Variants in CAMKMT observed in about 807,000 individuals in gnomAD.
The protein encoded by CAMKMT is calmodulin-lysine N-methyltransferase, also known as CaM KMT.
In CAMKMT, 53 loss-of-function variants were observed where a neutral mutation model predicts 48.0. The ratio of observed to expected loss-of-function variants is 1.10; its 90% confidence interval spans 0.89 to 1.39. The LOEUF is 1.39. Ranked by LOEUF, CAMKMT falls within the 40% of genes most tolerant of loss-of-function variation. CAMKMT has a pLI of 0.00. For synonymous variants in CAMKMT, 165 were observed against 152.3 expected (o/e 1.08, Z -0.61); for missense variants, 428 against 402.7 (o/e 1.06, Z -0.54).
chr2:44,520,445 A>G (rs1671048714), intron 3 of CAMKMT, among the ~76,000 whole-genome samples: 1 of 152,194 alleles, frequency 6.6e-6, no homozygotes, highest in Non-Finnish European at 1.5e-5. Flanking sequence ...ACTATGCAAT[A>G]CTTCTACTCA....
At chr2:44,609,025 C>G (rs1265241594) in intron 3 of CAMKMT, among the ~76,000 whole-genome samples, 1 of 152,214 alleles carries the variant, frequency 6.6e-6, no homozygotes, top group Admixed American at 6.5e-5. Flanking sequence ...CCATACCAGT[C>G]AATCACTTTT....
chr2:44,416,058 A>G (rs1258485394), intron 3 of CAMKMT, among the ~76,000 whole-genome samples: 2 of 152,212 alleles, frequency 1.3e-5, no homozygotes, highest in Admixed American at 6.5e-5. Flanking sequence ...GTTTCAGTTA[A>G]CTAAATGCTT....
intron 3 of CAMKMT, among the ~76,000 whole-genome samples, chr2:44,558,377 A>T (rs981665429): frequency 1.3e-5 from 2 of 152,116 alleles, no homozygotes; most frequent in African/African-American, 4.8e-5. Flanking sequence ...GCATTGCCCC[A>T]GTTTCCTTGG....
At chr2:44,423,491 T>G (rs1328539753) in intron 3 of CAMKMT, among the ~76,000 whole-genome samples, 1 of 152,180 alleles carries the variant, frequency 6.6e-6, no homozygotes, top group East Asian at 1.9e-4. Context: ...GCCAAAACCC[T>G]TAACTCAAAT....
intron 8 of CAMKMT, among the ~76,000 whole-genome samples, chr2:44,752,414 GC>G (rs1352460190): frequency 6.6e-6 from 1 of 152,142 alleles, no homozygotes; most frequent in Admixed American, 6.5e-5. Context: ...TTGGCAGAGT[GC>G]TCTAGCAATG....
chr2:44,589,335 T>A (rs1228777374), intron 3 of CAMKMT, among the ~76,000 whole-genome samples: 1 of 52,362 alleles, frequency 1.9e-5, no homozygotes, highest in Non-Finnish European at 4.0e-5. Flanking sequence ...CCGCCCCTAC[T>A]GGGAAGTGAG....
chr2:44,518,907 G>C (rs1400425566), intron 3 of CAMKMT, among the ~76,000 whole-genome samples: 1 of 152,158 alleles, frequency 6.6e-6, no homozygotes, highest in African/African-American at 2.4e-5. Context: ...GGGGAAGATA[G>C]GCTCCAGCTT....
chr2:44,410,323 C>A (rs1181031533), intron 3 of CAMKMT, among the ~76,000 whole-genome samples: 1 of 88,500 alleles, frequency 1.1e-5, no homozygotes, highest in Non-Finnish European at 2.2e-5. Context: ...GTGGCGCGAT[C>A]TTGGCTCACT....
At chr2:44,418,122 G>A (rs929402374) in intron 3 of CAMKMT, among the ~76,000 whole-genome samples, 5 of 150,896 alleles carry the variant, frequency 3.3e-5, no homozygotes, top group African/African-American at 1.2e-4. Context: ...AACCTGGGAG[G>A]CAGAGGTTGC....
intron 3 of CAMKMT, among the ~76,000 whole-genome samples, chr2:44,452,705 G>A (rs532696419): frequency 1.3e-5 from 2 of 151,970 alleles, no homozygotes; most frequent in African/African-American, 4.8e-5. Context: ...ATTATAATCT[G>A]TATTTACATG....
intron 3 of CAMKMT, among the ~76,000 whole-genome samples, chr2:44,609,346 G>A (rs924411908): frequency 3.3e-5 from 5 of 152,190 alleles, no homozygotes; most frequent in Admixed American, 2.0e-4. Context: ...CAGAGTGGAT[G>A]TTAAGTGCTG....
chr2:44,689,710 G>T (rs1553438385), intron 3 of CAMKMT, among the ~76,000 whole-genome samples: 1 of 152,194 alleles, frequency 6.6e-6, no homozygotes, highest in Non-Finnish European at 1.5e-5. Flanking sequence ...TCCTAGACAT[G>T]CTTCTTCTCA....
intron 3 of CAMKMT, among the ~76,000 whole-genome samples, chr2:44,582,899 A>G (rs1270590103): frequency 6.6e-6 from 1 of 152,328 alleles, no homozygotes; most frequent in South Asian, 2.1e-4. Flanking sequence ...GCTTTTCGAG[A>G]GAAGCCTAAA....
intron 3 of CAMKMT, among the ~76,000 whole-genome samples, chr2:44,510,424 G>T (rs1670481195): frequency 2.0e-5 from 3 of 152,074 alleles, no homozygotes; most frequent in Non-Finnish European, 4.4e-5. Context: ...ATCATACTGG[G>T]GCTACATGAT....
intron 3 of CAMKMT, among the ~76,000 whole-genome samples, chr2:44,492,100 G>T (rs971527536): frequency 1.6e-4 from 25 of 152,100 alleles, no homozygotes; most frequent in African/African-American, 6.0e-4. Flanking sequence ...AGAAAAAAAG[G>T]CAGGGGTTGA....
chr2:44,591,342 G>A (rs906907857), intron 3 of CAMKMT, among the ~76,000 whole-genome samples: 9 of 152,088 alleles, frequency 5.9e-5, no homozygotes, highest in Admixed American at 6.6e-5. Context: ...AATTACCTTG[G>A]GCAGTATGAC....
chr2:44,675,139 A>G (rs1047821745), intron 3 of CAMKMT, among the ~76,000 whole-genome samples: 2 of 151,514 alleles, frequency 1.3e-5, no homozygotes, highest in Non-Finnish European at 2.9e-5. Context: ...CCCTTACTCT[A>G]CATTCCCTTA....
intron 3 of CAMKMT, among the ~76,000 whole-genome samples, chr2:44,446,464 A>G (rs1461524883): frequency 6.6e-6 from 1 of 151,976 alleles, no homozygotes; most frequent in Non-Finnish European, 1.5e-5. Flanking sequence ...CTCATGCCTC[A>G]GTCACCGAGT....
chr2:44,456,351 A>G (rs567789152), intron 3 of CAMKMT, among the ~76,000 whole-genome samples: 51 of 152,290 alleles, frequency 3.3e-4, no homozygotes, highest in African/African-American at 1.1e-3. Context: ...AACAGAATCT[A>G]TATATTGTAA....
Sources: allele counts gnomAD v4.1 joint callset (sites outside exome capture counted in the v4.1 genomes callset), GRCh38; gene constraint gnomAD v4.1.1; transcripts MANE v1.5; gene names NCBI Gene and HGNC (gene_info 2026-07-23, HGNC 2026-07-21).